Variants in ATP9A observed in about 807,000 individuals in gnomAD.
ATP9A encodes the protein probable phospholipid-transporting ATPase IIA.
Under a neutral mutation model 144.1 loss-of-function variants are expected in ATP9A, and 52 were observed. The observed-to-expected ratio is 0.36, with a 90% CI of 0.29 to 0.45. The LOEUF (loss-of-function observed/expected upper bound fraction) is 0.45. Ranked by LOEUF, ATP9A falls within the 20% of genes least tolerant of loss-of-function variation. The pLI, the probability that ATP9A is intolerant of heterozygous loss-of-function variation, is 1.00. For missense variants in ATP9A, 947 were observed against 1,392.7 expected (o/e 0.68, Z 5.09); for synonymous variants, 582 against 557.4 (o/e 1.04, Z -0.62).
intron 4 of ATP9A, among the ~76,000 whole-genome samples, chr20:51,707,150 T>G: frequency 6.6e-6 from 1 of 152,178 alleles, no homozygotes; most frequent in Non-Finnish European, 1.5e-5. Flanking sequence ...CTGGCCTGAG[T>G]TCCATGTTCA....
chr20:51,703,260 T>G (rs990404142), intron 4 of ATP9A, among the ~76,000 whole-genome samples: 2 of 152,170 alleles, frequency 1.3e-5, no homozygotes, highest in African/African-American at 4.8e-5. Flanking sequence ...TAATATCTTC[T>G]TATAAAGTGC....
At chr20:51,614,215 C>A (rs2077194695) in intron 22 of ATP9A, among the ~76,000 whole-genome samples, 1 of 152,184 alleles carries the variant, frequency 6.6e-6, no homozygotes, top group Non-Finnish European at 1.5e-5. Context: ...ATAGGATATT[C>A]CTGAATACAC....
chr20:51,728,207 T>C (rs1470008653), intron 2 of ATP9A, among the ~76,000 whole-genome samples: 1 of 152,108 alleles, frequency 6.6e-6, no homozygotes, highest in East Asian at 1.9e-4. Flanking sequence ...ACCCAGGAAA[T>C]GGAGGAGTGT....
chr20:51,764,253 T>C (rs532105341), intron 1 of ATP9A, among the ~76,000 whole-genome samples: 2 of 152,232 alleles, frequency 1.3e-5, no homozygotes, highest in Non-Finnish European at 1.5e-5. Flanking sequence ...AGCTCCTCAA[T>C]GGACTCCTGC....
At chr20:51,678,952 G>A (rs550712752) in intron 9 of ATP9A, among the ~76,000 whole-genome samples, 10 of 152,224 alleles carry the variant, frequency 6.6e-5, no homozygotes, top group East Asian at 5.8e-4. Context: ...CACCGGATGC[G>A]CCTTGGCTTG....
intron 2 of ATP9A, among the ~76,000 whole-genome samples, chr20:51,728,931 G>C (rs1205711): frequency 0.21 from 32,448 of 152,136 alleles, 3,626 homozygotes; most frequent in African/African-American, 0.28. Flanking sequence ...GGCAGTGCTG[G>C]ATAAAAATAG....
intron 8 of ATP9A, 131 bp downstream of exon 8, chr20:51,690,608 C>T (rs1281801137): frequency 5.3e-6 from 4 of 752,678 alleles, no homozygotes; most frequent in South Asian, 1.7e-5. Flanking sequence ...GCTTTCAAGG[C>T]GGTGCCTTCT....
chr20:51,633,185 A>C (rs1367729822), intron 15 of ATP9A, among the ~76,000 whole-genome samples: 2 of 152,212 alleles, frequency 1.3e-5, no homozygotes, highest in African/African-American at 4.8e-5. Flanking sequence ...AGCAGCCAAA[A>C]AATAAGTTAA....
chr20:51,751,623 C>T lies in ATP9A; in HGVS notation c.68+16679G>A, dbSNP rs561424410. ...TGTTTTGTTTTGAGACAGAGTCTCGCTCTCCCCAGGCTGGAGTGCAATGGC... is the reference window on the plus strand; with the variant it reads ...TGTTTTGTTTTGAGACAGAGTCTCGTTCTCCCCAGGCTGGAGTGCAATGGC... On this transcript the variant is annotated intron_variant, in intron 1 of 27. Transcript: ENST00000338821. Among the ~76,000 whole-genome samples, 634 of 151,742 alleles carry T rather than the reference C, an allele frequency of 4.2e-3. 6 individuals carry two copies. The highest frequency in any genetic ancestry group is 6.4e-3 in the Non-Finnish European group (437 of 67,920).
intron 15 of ATP9A, among the ~76,000 whole-genome samples, chr20:51,638,779 T>C (rs1178853410): frequency 2.6e-5 from 4 of 152,140 alleles, no homozygotes; most frequent in African/African-American, 9.7e-5. Flanking sequence ...GGGAGGACTC[T>C]TATAAATACA....
rs887391803 is a variant in ATP9A, at chr20:51,598,606, T to G, written c.*2605A>C. 1 of 152,152 alleles carries G rather than the reference T, an allele frequency of 6.6e-6. No individual in the cohort carries two copies. Among genetic ancestry groups the G allele is most frequent in the African/African-American group, 2.4e-5 (1 of 41,430 alleles). The allele number at this position is 152,152 out of a possible 1,614,324, so 9.4% of individuals were successfully genotyped here. ...TCTAGTTTCTTGTTTGCTTATTTCT[T>G]TGTCTTCCCCACCACAACTAAGATG... On this transcript the variant is annotated 3_prime_UTR_variant, in exon 28 of 28. Coordinates refer to ENST00000338821, the MANE Select transcript of ATP9A (RefSeq NM_006045.3).
intron 1 of ATP9A, among the ~76,000 whole-genome samples, chr20:51,747,389 T>A (rs534972636): frequency 6.6e-6 from 1 of 151,804 alleles, no homozygotes. Flanking sequence ...ACAGCGGCAA[T>A]AGACAGGGCA....
At chr20:51,623,710 C>G (rs930054011) in intron 18 of ATP9A, among the ~76,000 whole-genome samples, 1 of 150,718 alleles carries the variant, frequency 6.6e-6, no homozygotes, top group African/African-American at 2.4e-5. Flanking sequence ...ATCTCTTGAA[C>G]CCAGGAAGTG....
intron 1 of ATP9A, among the ~76,000 whole-genome samples, chr20:51,747,840 C>T (rs2077815045): frequency 6.6e-6 from 1 of 152,226 alleles, no homozygotes; most frequent in Admixed American, 6.5e-5. Flanking sequence ...CTCACCTTTT[C>T]ATCTCTGCTG....
intron 22 of ATP9A, 88 bp from the exon 23 acceptor site, chr20:51,613,920 G>A: frequency 1.5e-6 from 2 of 1,365,406 alleles, no homozygotes; most frequent in South Asian, 2.9e-5. Context: ...AGACATTGTA[G>A]GAAATCTTTG....
intron 1 of ATP9A, among the ~76,000 whole-genome samples, chr20:51,748,026 C>T (rs1568846231): frequency 6.6e-6 from 1 of 152,176 alleles, no homozygotes. Flanking sequence ...CCTTCCAAAC[C>T]CAACTCTGTG....
chr20:51,767,712 C>A (rs1198067840), intron 1 of ATP9A, among the ~76,000 whole-genome samples: 1 of 152,152 alleles, frequency 6.6e-6, no homozygotes, highest in Non-Finnish European at 1.5e-5. Flanking sequence ...GAGACCCTCC[C>A]ACCCTCCTGC....
chr20:51,671,260 A>G lies in ATP9A; in HGVS notation c.1038-3T>C. 6.2e-7 allele frequency: 1 copy of G among 1,612,256 alleles called. No individual in the cohort carries two copies. The highest frequency in any genetic ancestry group is 1.3e-5 in the African/African-American group (1 of 75,034). Reference sequence around the variant, plus strand: ...CCATGTCCAGGTTCACACGCAAACTAGGCACAAAACCAGAGCAAACAGGCT... The same window carrying G: ...CCATGTCCAGGTTCACACGCAAACTGGGCACAAAACCAGAGCAAACAGGCT... On this transcript the variant is annotated splice_polypyrimidine_tract_variant and splice_region_variant and intron_variant, in intron 11 of 27. Transcript: ENST00000338821.
chr20:51,687,608 T>C (rs2077528749), intron 9 of ATP9A, among the ~76,000 whole-genome samples: 1 of 151,734 alleles, frequency 6.6e-6, no homozygotes, highest in Non-Finnish European at 1.5e-5. Context: ...AAAAAAGTAT[T>C]TAAAAATTAG....
Sources: allele counts gnomAD v4.1 joint callset (sites outside exome capture counted in the v4.1 genomes callset), GRCh38; gene constraint gnomAD v4.1.1; transcripts MANE v1.5; gene names NCBI Gene and HGNC (gene_info 2026-07-23, HGNC 2026-07-21).